CELF2: variants seen among roughly 807,000 people sequenced by gnomAD.
CELF2 encodes the protein CUG triplet repeat RNA-binding protein 2.
Under a neutral mutation model 62.6 loss-of-function variants are expected in CELF2, and 8 were observed. The observed-to-expected ratio is 0.13, with a 90% CI of 0.07 to 0.23. The LOEUF (loss-of-function observed/expected upper bound fraction) is 0.23, where lower values mean the gene tolerates loss of function less well. Among genes scored for constraint, CELF2 ranks in the 10% least tolerant of loss-of-function variants. The pLI, the probability that CELF2 is intolerant of heterozygous loss-of-function variation, is 1.00. For missense variants in CELF2, 333 were observed against 671.0 expected, an observed-to-expected ratio of 0.50 and a Z score of 5.56; for synonymous variants, 258 against 250.0, an observed-to-expected ratio of 1.03 and a Z score of -0.30.
chr10:11,299,027 A>G (rs2093459024), intron 9 of CELF2, among the ~76,000 whole-genome samples: 1 of 152,156 alleles, frequency 6.6e-6, no homozygotes, highest in African/African-American at 2.4e-5. Context: ...CAGTTTCCTC[A>G]CTCCTTTCTG....
At chr10:10,503,129 T>G in the CELF2 span, among the ~76,000 whole-genome samples, 2 of 151,982 alleles carry the variant, frequency 1.3e-5, no homozygotes, top group African/African-American at 2.4e-5. Flanking sequence ...TTGTTAAAAT[T>G]TGTTTTATCC....
intron 5 of CELF2, among the ~76,000 whole-genome samples, chr10:11,259,894 T>A (rs750950205): frequency 6.6e-6 from 1 of 152,244 alleles, no homozygotes; most frequent in African/African-American, 2.4e-5. Flanking sequence ...CCTTTTCTGG[T>A]GCCAATTTAG....
chr10:10,913,364 C>A (rs1237874236), intron 1 of CELF2, among the ~76,000 whole-genome samples: 1 of 144,454 alleles, frequency 6.9e-6, no homozygotes, highest in Non-Finnish European at 1.5e-5. Context: ...AATATATATG[C>A]CTTTGTAATG....
At chr10:11,263,871 T>G (rs1466454552) in intron 5 of CELF2, among the ~76,000 whole-genome samples, 2 of 152,186 alleles carry the variant, frequency 1.3e-5, no homozygotes, top group African/African-American at 4.8e-5. Context: ...AAGCTACCAT[T>G]GCAAGAAACA....
chr10:10,608,600 C>G, the CELF2 span, among the ~76,000 whole-genome samples: 2 of 151,926 alleles, frequency 1.3e-5, no homozygotes, highest in Non-Finnish European at 2.9e-5. Context: ...GAATTAGAGG[C>G]GAGGGACAAA....
chr10:10,798,260 C>G (rs2054279826), upstream of CELF2: 1 of 152,020 alleles, frequency 6.6e-6, no homozygotes, highest in Admixed American at 6.6e-5. Flanking sequence ...GCCTAAGCCA[C>G]GAAAAAAGGA....
chr10:10,961,116 T>A (rs1802750559), intron 2 of CELF2, among the ~76,000 whole-genome samples: 1 of 152,214 alleles, frequency 6.6e-6, no homozygotes, highest in South Asian at 2.1e-4. Flanking sequence ...GCCAAAGAAT[T>A]AATTTGAAAT....
chr10:11,009,364 C>T (rs937541815), intron 1 of CELF2, among the ~76,000 whole-genome samples: 14 of 151,398 alleles, frequency 9.2e-5, no homozygotes, highest in Admixed American at 2.6e-4. Context: ...TGTGTGTGTG[C>T]GTGCGCGCGT....
intron 1 of CELF2, among the ~76,000 whole-genome samples, chr10:11,026,253 AT>A (rs2059184286): frequency 6.6e-6 from 1 of 152,104 alleles, no homozygotes; most frequent in South Asian, 2.1e-4. Flanking sequence ...GGTCCTTGAA[AT>A]TTTTATTGTC....
Position 11,009,348 on chromosome 10 carries a change from TGA to T in CELF2, c.53+3910_53+3911del, listed in dbSNP as rs2056001127. ...GTGTGTGTGTGTGTGCGCGTGTGTG[TGA>T]GTGTGTGTGTGTGCGTGCGCGCGTC... is the stretch of plus-strand genomic sequence containing the variant. On this transcript the variant is annotated intron_variant, in intron 1 of 12. Coordinates refer to the CELF2 transcript ENST00000416382. Among the ~76,000 whole-genome samples the T allele has an allele frequency of 2.6e-5, 4 of 151,778 alleles. 1 individual carries two copies. Among genetic ancestry groups the T allele is most frequent in the South Asian group, 4.2e-4 (2 of 4,800 alleles).
chr10:11,175,649 T>C (rs2133830580), intron 2 of CELF2, among the ~76,000 whole-genome samples: 1 of 152,304 alleles, frequency 6.6e-6, no homozygotes, highest in East Asian at 1.9e-4. Flanking sequence ...AGCTCTCACA[T>C]AGGCTTAATG....
chr10:11,009,505 T>TC (rs751739420), intron 1 of CELF2, among the ~76,000 whole-genome samples: 7 of 152,230 alleles, frequency 4.6e-5, no homozygotes, highest in Middle Eastern at 3.4e-3. Context: ...TGTGTTTATC[T>TC]CCCCCCACAG....
chr10:10,578,272 G>C, the CELF2 span, among the ~76,000 whole-genome samples: 2 of 152,158 alleles, frequency 1.3e-5, no homozygotes, highest in Non-Finnish European at 2.9e-5. Flanking sequence ...CCCTTTGTCA[G>C]ATGACTAGGT....
the CELF2 span, among the ~76,000 whole-genome samples, chr10:10,742,589 CAAAAA>C: frequency 1.2e-4 from 15 of 128,094 alleles, no homozygotes; most frequent in Non-Finnish European, 1.3e-4. Context: ...GACTTTGTTG[CAAAAA>C]AAAAAAAAAA....
chr10:10,980,860 A>G (rs942897971), intron 2 of CELF2, among the ~76,000 whole-genome samples: 4 of 152,076 alleles, frequency 2.6e-5, no homozygotes, highest in South Asian at 2.1e-4. Context: ...GTCTCCAGCA[A>G]TCCTCCCACC....
At chr10:10,984,736 T>A (rs1226427713) in intron 2 of CELF2, among the ~76,000 whole-genome samples, 1 of 152,172 alleles carries the variant, frequency 6.6e-6, no homozygotes, top group East Asian at 1.9e-4. Flanking sequence ...ACCATTTTTG[T>A]CTCCTTAGCA....
At chr10:10,755,909 T>C in the CELF2 span, among the ~76,000 whole-genome samples, 4 of 152,360 alleles carry the variant, frequency 2.6e-5, no homozygotes, top group African/African-American at 9.6e-5. Flanking sequence ...AATTCTTTTT[T>C]ACCCGAATAG....
At chr10:11,147,329 TG>T (rs1296589911) in intron 1 of CELF2, among the ~76,000 whole-genome samples, 3 of 152,218 alleles carry the variant, frequency 2.0e-5, no homozygotes, top group Non-Finnish European at 4.4e-5. Context: ...CCAGCAGTAG[TG>T]GTACTGACAC....
chr10:10,661,287 G>A, the CELF2 span, among the ~76,000 whole-genome samples: 1 of 151,942 alleles, frequency 6.6e-6, no homozygotes, highest in Admixed American at 6.5e-5. Context: ...TTTGCATCTG[G>A]TCTCTCTCAG....
Sources: gnomAD v4.1 joint callset for allele counts (sites outside exome capture counted in the v4.1 genomes callset) on GRCh38, gnomAD v4.1.1 for gene constraint, MANE v1.5 for transcripts, NCBI Gene and HGNC (gene_info 2026-07-23, HGNC 2026-07-21) for gene names.